The following PRKN variants were observed in gnomAD, a reference collection of about 807,000 sequenced individuals.
The protein encoded by PRKN is parkin RBR E3 ubiquitin protein ligase.
In PRKN, 56 loss-of-function variants were observed where a neutral mutation model predicts 59.5. The ratio of observed to expected loss-of-function variants is 0.94; its 90% CI spans 0.76 to 1.18. The LOEUF (loss-of-function observed/expected upper bound fraction) is 1.18, where lower values mean the gene tolerates loss of function less well. PRKN is among the 50% of genes most tolerant of loss of function. The pLI is 0.00. For missense variants in PRKN, 657 were observed against 596.4 expected (o/e 1.10, Z -1.06); for synonymous variants, 250 against 222.1 (o/e 1.13, Z -1.12).
intron 9 of PRKN, among the ~76,000 whole-genome samples, chr6:161,509,334 T>C (rs1319305693): frequency 6.6e-6 from 1 of 152,034 alleles, no homozygotes; most frequent in Admixed American, 6.6e-5. Flanking sequence ...TGTTTATTCA[T>C]CCTCGCAGAG....
intron 7 of PRKN, among the ~76,000 whole-genome samples, chr6:161,775,015 A>G (rs1789861954): frequency 6.6e-6 from 1 of 150,796 alleles, no homozygotes; most frequent in Admixed American, 6.6e-5. Flanking sequence ...AGTGGCAATT[A>G]TAATTATACA....
intron 6 of PRKN, among the ~76,000 whole-genome samples, chr6:161,830,253 T>C (rs1276910544): frequency 6.9e-6 from 1 of 145,560 alleles, no homozygotes; most frequent in African/African-American, 2.7e-5. Context: ...TTTTTTTGTT[T>C]TTTGTTTTTT....
At position 161,444,495 on chromosome 6, in the gene PRKN, G is replaced by A. The variant is rs142172953; in HGVS notation, c.1084-57618C>T. Among the ~76,000 whole-genome samples the A allele has an allele frequency of 1.3e-5, 2 of 152,266 alleles. No individual in the cohort carries two copies. The highest frequency in any genetic ancestry group is 1.9e-4 in the East Asian group (1 of 5,180). On this transcript the variant is annotated intron_variant, in intron 9 of 11. Coordinates refer to ENST00000366898, the MANE Select transcript of PRKN (RefSeq NM_004562.3). The surrounding 1 kb of genome is among the most constrained non-coding windows in gnomAD (Gnocchi z 5.6). ...CTTTTTCCATTTAGACTAAACTAGC[G>A]CTTGGGGTGCTTGCCATGCTCCAAG... is the stretch of plus-strand genomic sequence containing the variant.
At chr6:162,228,909 T>C (rs1445302008) in intron 3 of PRKN, among the ~76,000 whole-genome samples, 1 of 152,166 alleles carries the variant, frequency 6.6e-6, no homozygotes, top group African/African-American at 2.4e-5. Flanking sequence ...AGCCACAAGC[T>C]TCCACATGCA....
rs879268402 is a variant in PRKN, at chr6:162,063,551, C to CT, written c.535-9378dup. 1.1e-3 allele frequency among the ~76,000 whole-genome samples: 156 copies of CT among 147,276 alleles called. 2 individuals are homozygous for CT. In the East Asian group the frequency reaches 0.011, roughly 11 times the overall value. ...TTGAAAACGGTTTTGGAATTTCTTTCTTTTTTTTTTTGATACAGAGTTTCA... is the reference window on the plus strand; with the variant it reads ...TTGAAAACGGTTTTGGAATTTCTTTCTTTTTTTTTTTTGATACAGAGTTTCA... On this transcript the variant is annotated intron_variant, in intron 4 of 11. Coordinates refer to ENST00000366898, the MANE Select transcript of PRKN (RefSeq NM_004562.3).
chr6:161,573,719 C>CAA (rs1207463759), intron 7 of PRKN, among the ~76,000 whole-genome samples: 3 of 18,768 alleles, frequency 1.6e-4, no homozygotes, highest in South Asian at 5.4e-3. Context: ...GACTCCGTCT[C>CAA]AAAAAAAAAA....
intron 9 of PRKN, among the ~76,000 whole-genome samples, chr6:161,510,612 A>G (rs568732751): frequency 6.6e-6 from 1 of 152,320 alleles, no homozygotes; most frequent in African/African-American, 2.4e-5. Flanking sequence ...TTTAACCAAA[A>G]TGCTTTACCC....
At chr6:162,420,587 G>C (rs1788910927) in intron 2 of PRKN, among the ~76,000 whole-genome samples, 1 of 152,120 alleles carries the variant, frequency 6.6e-6, no homozygotes, top group Non-Finnish European at 1.5e-5. Context: ...CTCCTTTCTA[G>C]GAGATTCGGA....
intron 6 of PRKN, among the ~76,000 whole-genome samples, chr6:161,807,364 T>C (rs1791377627): frequency 6.6e-6 from 1 of 151,944 alleles, no homozygotes; most frequent in Non-Finnish European, 1.5e-5. Context: ...CACAAACACA[T>C]GCATACACGC....
chr6:161,571,759 C>G (rs986480897), intron 7 of PRKN, among the ~76,000 whole-genome samples: 1 of 152,084 alleles, frequency 6.6e-6, no homozygotes, highest in African/African-American at 2.4e-5. Context: ...GAGAGTGTTT[C>G]TGGGAGAGAC....
intron 1 of PRKN, among the ~76,000 whole-genome samples, chr6:162,556,176 T>TA (rs908225180): frequency 6.6e-6 from 1 of 151,932 alleles, no homozygotes; most frequent in African/African-American, 2.4e-5. Flanking sequence ...CAGAAACAGG[T>TA]AAGTAAGACA....
At chr6:162,305,348 G>A (rs1029206023) in intron 2 of PRKN, among the ~76,000 whole-genome samples, 1 of 151,958 alleles carries the variant, frequency 6.6e-6, no homozygotes, top group African/African-American at 2.4e-5. Flanking sequence ...AGATAAACAT[G>A]ACATGTTTAT....
At chr6:162,272,843 CA>C (rs1780454542) in intron 2 of PRKN, among the ~76,000 whole-genome samples, 1 of 151,282 alleles carries the variant, frequency 6.6e-6, no homozygotes, top group South Asian at 2.1e-4. Flanking sequence ...ACTAAAAATA[CA>C]AAAATTAGCC....
intron 7 of PRKN, among the ~76,000 whole-genome samples, chr6:161,777,844 A>G (rs1313325076): frequency 7.3e-6 from 1 of 136,086 alleles, no homozygotes; most frequent in Non-Finnish European, 1.5e-5. Context: ...ATACGTATAT[A>G]TGTATATATG....
intron 2 of PRKN, among the ~76,000 whole-genome samples, chr6:162,274,283 G>A (rs1320893316): frequency 6.6e-6 from 1 of 151,942 alleles, no homozygotes; most frequent in Non-Finnish European, 1.5e-5. Flanking sequence ...GGCTTCCAGG[G>A]CTCAGGGGAT....
rs914442015 is a variant in PRKN, at chr6:161,538,870, C to T, written c.1083+9984G>A. 6.6e-6 allele frequency among the ~76,000 whole-genome samples: 1 copy of T among 152,174 alleles called. No individual in the cohort carries two copies. Among genetic ancestry groups the T allele is most frequent in the African/African-American group, 2.4e-5 (1 of 41,432 alleles). Reference sequence around the variant, plus strand: ...GAGAGAAATGCCTGTCACTCTAGTCCTGAGTGCTCATTCTGTGTGGGCTCC... The same window carrying T: ...GAGAGAAATGCCTGTCACTCTAGTCTTGAGTGCTCATTCTGTGTGGGCTCC... On this transcript the variant is annotated intron_variant, in intron 9 of 11. Transcript: ENST00000366898. The surrounding 1 kb of genome is among the most constrained non-coding windows in gnomAD (Gnocchi z 4.2).
At position 161,386,823 on chromosome 6, in the gene PRKN, C is replaced by T. The variant is rs1801582; in HGVS notation, c.1138G>A (p.Val380Ile). Residue 380 changes from valine (V) to isoleucine (I), a missense_variant, in exon 10 of 12, where the codon GTA becomes ATA. Transcript: ENST00000366898. The surrounding 1 kb of genome is among the most constrained non-coding windows in gnomAD (Gnocchi z 4.3). ...GTAGTTGTTCCTGAGGCTTCAAATACGGCACTGCACTCCCCTTCATGGTAC... is the reference window on the plus strand; with the variant it reads ...GTAGTTGTTCCTGAGGCTTCAAATATGGCACTGCACTCCCCTTCATGGTAC... ...EAYHEGECSAVFEASGTTTQA... is the reference protein window; with the variant it reads ...EAYHEGECSAIFEASGTTTQA... The T allele has an allele frequency of 2.0e-5, 33 of 1,613,714 alleles. No homozygotes were observed. The highest frequency in any genetic ancestry group is 1.6e-4 in the South Asian group (15 of 91,068).
rs143191216 is a variant in PRKN, at chr6:162,204,615, C to T, written c.413-3363G>A. Reference sequence around the variant, plus strand: ...AGTTCTTTCCTCCAACCCAAAACATCAACGAACTCATATAATTACTTTGTC... The same window carrying T: ...AGTTCTTTCCTCCAACCCAAAACATTAACGAACTCATATAATTACTTTGTC... On this transcript the variant is annotated intron_variant, in intron 3 of 11. Coordinates refer to ENST00000366898, the MANE Select transcript of PRKN (RefSeq NM_004562.3). Among the ~76,000 whole-genome samples, 173 of 152,242 alleles carry T rather than the reference C, an allele frequency of 1.1e-3. 1 individual carries two copies. The highest frequency in any genetic ancestry group is 3.7e-3 in the African/African-American group (152 of 41,550).
chr6:162,282,387 G>A (rs7751716), intron 2 of PRKN, among the ~76,000 whole-genome samples: 25,876 of 151,760 alleles, frequency 0.17, 3,648 homozygotes, highest in African/African-American at 0.39. Context: ...TGGAAACAAT[G>A]GAATCACATC....
Sources: gnomAD v4.1 joint callset for allele counts (sites outside exome capture counted in the v4.1 genomes callset) on GRCh38, gnomAD v4.1.1 for gene constraint, Gnocchi (gnomAD v3.1) non-coding constraint, MANE v1.5 for transcripts, NCBI Gene and HGNC (gene_info 2026-07-23, HGNC 2026-07-21) for gene names.